Variants in UBASH3B observed in about 807,000 individuals in gnomAD.
UBASH3B encodes the protein ubiquitin associated and SH3 domain containing B.
UBASH3B carries 37 observed loss-of-function variants against 83.4 expected under a neutral mutation model. The observed-to-expected ratio is 0.44, with a 90% CI of 0.34 to 0.58. UBASH3B has a LOEUF of 0.58. Among genes scored for constraint, UBASH3B ranks in the 20% least tolerant of loss-of-function variants. UBASH3B has a pLI of 0.01. For missense variants in UBASH3B, 657 were observed against 827.2 expected (o/e 0.79, Z 2.52); for synonymous variants, 304 against 318.3 (o/e 0.96, Z 0.48).
chr11:122,660,784 A>G (rs1863428402), intron 1 of UBASH3B, among the ~76,000 whole-genome samples: 1 of 152,208 alleles, frequency 6.6e-6, no homozygotes, highest in African/African-American at 2.4e-5. Flanking sequence ...GCTGGTGGCT[A>G]GAACTTTGTC....
chr11:122,725,328 C>CAAA (rs527272428), intron 1 of UBASH3B, among the ~76,000 whole-genome samples: 17,875 of 87,844 alleles, frequency 0.2, 1,589 homozygotes, highest in South Asian at 0.29. Context: ...GCACCATAAA[C>CAAA]AAAAAAAAAA....
chr11:122,798,917 GA>G (rs912663977), intron 9 of UBASH3B, 24 bp from the exon 10 acceptor site: 3 of 1,608,176 alleles, frequency 1.9e-6, no homozygotes, highest in Admixed American at 1.7e-5. Flanking sequence ...CCATCAGACT[GA>G]TTTTTTTGTG....
intron 1 of UBASH3B, among the ~76,000 whole-genome samples, chr11:122,697,957 C>T (rs1003669603): frequency 6.6e-6 from 1 of 152,170 alleles, no homozygotes; most frequent in Non-Finnish European, 1.5e-5. Flanking sequence ...GTTAAGAGCA[C>T]TGGGGCGTGG....
intron 1 of UBASH3B, among the ~76,000 whole-genome samples, chr11:122,666,668 C>T (rs907434222): frequency 6.6e-6 from 1 of 152,114 alleles, no homozygotes. Flanking sequence ...CCACCCGCCT[C>T]GGCCTCCCAA....
chr11:122,705,198 G>A (rs1199838001), intron 1 of UBASH3B, among the ~76,000 whole-genome samples: 5 of 152,144 alleles, frequency 3.3e-5, no homozygotes, highest in Non-Finnish European at 7.4e-5. Flanking sequence ...TGTAATCCCA[G>A]CACTTCGGGA....
intron 1 of UBASH3B, among the ~76,000 whole-genome samples, chr11:122,710,708 C>A (rs1864179983): frequency 6.7e-6 from 1 of 149,434 alleles, no homozygotes; most frequent in Non-Finnish European, 1.5e-5. Flanking sequence ...TAAGGGCCTG[C>A]TGGGGAGAAT....
In UBASH3B at chr11:122,750,833, G is replaced by A. The variant is rs143797202; in HGVS notation, c.162-25386G>A. Among the ~76,000 whole-genome samples, 62 of 152,332 alleles carry A rather than the reference G, an allele frequency of 4.1e-4. No homozygotes were observed. The East Asian group carries it at 9.1e-3, about 22-fold the overall frequency. On this transcript the variant is annotated intron_variant, in intron 1 of 13. Coordinates refer to ENST00000284273, the MANE Select transcript of UBASH3B (RefSeq NM_032873.5). ...TCCCCTCCTTCTCCACCAGGAAGAC[G>A]CAAATGCTTGCCCCTCTTGTCAGCC...
At chr11:122,808,217 G>A in intron 13 of UBASH3B, 41 bp downstream of exon 13, 1 of 1,503,538 alleles carries the variant, frequency 6.7e-7, no homozygotes, top group East Asian at 2.3e-5. Flanking sequence ...ATGGCTAGTA[G>A]TTTGAAGTCA....
At position 122,805,643 on chromosome 11, in the gene UBASH3B, A is replaced by C. The variant is rs577912668; in HGVS notation, c.1596-767A>C. Among the ~76,000 whole-genome samples the C allele has an allele frequency of 7.4e-4, 112 of 152,356 alleles. No homozygotes were observed. The South Asian group carries it at 0.021, about 29-fold the overall frequency. On this transcript the variant is annotated intron_variant, in intron 11 of 13. Coordinates refer to ENST00000284273, the MANE Select transcript of UBASH3B (RefSeq NM_032873.5). ...GAGACTTATTCACTATCACGAGAAC[A>C]GCACAGGAAAGACCTGCCCCCATGA... is the stretch of plus-strand genomic sequence containing the variant.
chr11:122,695,711 G>C (rs760550679), intron 1 of UBASH3B, among the ~76,000 whole-genome samples: 4 of 152,092 alleles, frequency 2.6e-5, no homozygotes, highest in African/African-American at 9.7e-5. Context: ...CAGTTACACA[G>C]TGCCTCACTC....
At chr11:122,670,964 C>A (rs575999282) in intron 1 of UBASH3B, among the ~76,000 whole-genome samples, 12 of 151,668 alleles carry the variant, frequency 7.9e-5, no homozygotes, top group African/African-American at 2.4e-4. Context: ...GGTTTCGCCA[C>A]GTTGCCCAGG....
intron 1 of UBASH3B, among the ~76,000 whole-genome samples, chr11:122,687,024 C>T (rs921656501): frequency 6.6e-6 from 1 of 152,020 alleles, no homozygotes; most frequent in Non-Finnish European, 1.5e-5. Context: ...TGCACCACCA[C>T]GCCCAGCTAA....
chr11:122,683,583 G>A (rs1863770531), intron 1 of UBASH3B, among the ~76,000 whole-genome samples: 1 of 142,020 alleles, frequency 7.0e-6, no homozygotes, highest in Non-Finnish European at 1.5e-5. Context: ...TCAGCCTGGG[G>A]GACAGAGCGA....
At chr11:122,802,642 C>A (rs77216501) in intron 11 of UBASH3B, among the ~76,000 whole-genome samples, 13,101 of 152,142 alleles carry the variant, frequency 0.086, 620 homozygotes, top group Middle Eastern at 0.18. Context: ...CCTCGGATAA[C>A]CCCATTAACT....
chr11:122,807,451 G>T (rs895999693), intron 12 of UBASH3B, among the ~76,000 whole-genome samples: 1 of 152,276 alleles, frequency 6.6e-6, no homozygotes, highest in Non-Finnish European at 1.5e-5. Flanking sequence ...CTGTACCATA[G>T]TTATGTAAGA....
chr11:122,736,478 A>G (rs1409594819), intron 1 of UBASH3B, among the ~76,000 whole-genome samples: 1 of 151,722 alleles, frequency 6.6e-6, no homozygotes, highest in African/African-American at 2.4e-5. Context: ...AACTCTAAAT[A>G]CTAATTCATG....
At chr11:122,707,709 T>A (rs929186604) in intron 1 of UBASH3B, among the ~76,000 whole-genome samples, 1 of 151,562 alleles carries the variant, frequency 6.6e-6, no homozygotes, top group African/African-American at 2.4e-5. Flanking sequence ...TATTTATTTA[T>A]TTTTTTTGAG....
At chr11:122,666,376 G>A (rs1013124332) in intron 1 of UBASH3B, among the ~76,000 whole-genome samples, 1 of 152,074 alleles carries the variant, frequency 6.6e-6, no homozygotes, top group Non-Finnish European at 1.5e-5. Context: ...TCTCAACCAT[G>A]GCATCTGCAG....
chr11:122,746,856 T>C (rs1487742230), intron 1 of UBASH3B, among the ~76,000 whole-genome samples: 1 of 152,116 alleles, frequency 6.6e-6, no homozygotes, highest in Non-Finnish European at 1.5e-5. Context: ...ATAGGTAAAG[T>C]GTGGGAGGGG....
Sources: gnomAD v4.1 joint callset for allele counts (sites outside exome capture counted in the v4.1 genomes callset) on GRCh38, gnomAD v4.1.1 for gene constraint, MANE v1.5 for transcripts, NCBI Gene and HGNC (gene_info 2026-07-23, HGNC 2026-07-21) for gene names.